SORCS2: variants seen among roughly 807,000 people sequenced by gnomAD.
SORCS2 encodes the protein sortilin related VPS10 domain containing receptor 2.
SORCS2 carries 100 observed loss-of-function variants against 141.6 expected under a neutral mutation model. The observed-to-expected ratio is 0.71, with a 90% CI of 0.60 to 0.83. The LOEUF (loss-of-function observed/expected upper bound fraction) is 0.83, where lower values mean the gene tolerates loss of function less well. SORCS2 is among the 40% of genes least tolerant of loss of function. SORCS2 has a pLI of 0.00. For synonymous variants in SORCS2, 789 were observed against 676.9 expected (o/e 1.17, Z -2.57); for missense variants, 1,646 against 1,560.2 (o/e 1.05, Z -0.93).
intron 2 of SORCS2, among the ~76,000 whole-genome samples, chr4:7,446,829 C>T (rs1020852669): frequency 1.3e-5 from 2 of 152,234 alleles, no homozygotes; most frequent in Non-Finnish European, 2.9e-5. Context: ...GGACCTGTGT[C>T]CTTCCTGGAG....
chr4:7,560,236 C>T (rs1714438581), intron 3 of SORCS2, among the ~76,000 whole-genome samples: 1 of 152,162 alleles, frequency 6.6e-6, no homozygotes, highest in Admixed American at 6.5e-5. Flanking sequence ...CTGGCAGACT[C>T]TCGGGATTTG....
At chr4:7,391,494 G>T (rs1349590234) in intron 1 of SORCS2, among the ~76,000 whole-genome samples, 1 of 152,062 alleles carries the variant, frequency 6.6e-6, no homozygotes, top group Admixed American at 6.5e-5. Flanking sequence ...GTGTGGTGGA[G>T]GTGGGGCCGG....
intron 2 of SORCS2, among the ~76,000 whole-genome samples, chr4:7,438,245 A>G (rs1727432651): frequency 6.6e-6 from 1 of 152,138 alleles, no homozygotes; most frequent in South Asian, 2.1e-4. Flanking sequence ...TTTCTTTTGT[A>G]GCACTGGGGA....
intron 2 of SORCS2, among the ~76,000 whole-genome samples, chr4:7,465,595 C>T (rs767789765): frequency 1.1e-4 from 16 of 152,172 alleles, no homozygotes; most frequent in Non-Finnish European, 2.2e-4. Flanking sequence ...TATGTGTGCA[C>T]TTTTCTTTTA....
chr4:7,493,958 T>C (rs1731457673), intron 2 of SORCS2, among the ~76,000 whole-genome samples: 1 of 152,212 alleles, frequency 6.6e-6, no homozygotes, highest in African/African-American at 2.4e-5. Flanking sequence ...TGGTGCATTA[T>C]GTTCAGTGCC....
intron 23 of SORCS2, among the ~76,000 whole-genome samples, chr4:7,729,957 G>GGGGGCTC (rs1233708457): frequency 1.3e-5 from 2 of 152,234 alleles, no homozygotes; most frequent in African/African-American, 4.8e-5. Flanking sequence ...CCACCTCCCA[G>GGGGGCTC]GGGGCTCGCT....
chr4:7,737,223 C>G (rs753645246), intron 26 of SORCS2, 51 bp downstream of exon 26: 206 of 1,547,306 alleles, frequency 1.3e-4, no homozygotes, highest in Non-Finnish European at 1.6e-4. Context: ...AGGTAACGTC[C>G]GCCCCAAACC....
At chr4:7,248,611 T>C (rs1442633175) in intron 1 of SORCS2, among the ~76,000 whole-genome samples, 2 of 152,254 alleles carry the variant, frequency 1.3e-5, no homozygotes. Flanking sequence ...CATTCTCAGT[T>C]TTCTCATCTG....
chr4:7,713,003 C>T, intron 15 of SORCS2, 150 bp downstream of exon 15: 2 of 1,219,162 alleles, frequency 1.6e-6, no homozygotes, highest in Non-Finnish European at 1.1e-6. Flanking sequence ...CTTGAGATGT[C>T]CAGGCCTCCT....
At chr4:7,342,915 C>G (rs1720444369) in intron 1 of SORCS2, among the ~76,000 whole-genome samples, 1 of 152,168 alleles carries the variant, frequency 6.6e-6, no homozygotes, top group Admixed American at 6.5e-5. Context: ...GTGGTGATGC[C>G]TGCTTCCCTG....
At chr4:7,383,091 C>T (rs1245563905) in intron 1 of SORCS2, among the ~76,000 whole-genome samples, 1 of 152,108 alleles carries the variant, frequency 6.6e-6, no homozygotes, top group Non-Finnish European at 1.5e-5. Context: ...TCATGCCCCG[C>T]GGGGCTGCTG....
At chr4:7,275,566 A>G (rs943382063) in intron 1 of SORCS2, among the ~76,000 whole-genome samples, 3 of 152,170 alleles carry the variant, frequency 2.0e-5, no homozygotes, top group African/African-American at 7.2e-5. Flanking sequence ...TGCAGTTTGC[A>G]GATCTCCTTT....
chr4:7,441,037 C>T (rs551425039), intron 2 of SORCS2, among the ~76,000 whole-genome samples: 19 of 152,142 alleles, frequency 1.2e-4, no homozygotes, highest in Admixed American at 2.6e-4. Flanking sequence ...GTGGTGCTGT[C>T]GGTCCCTGGG....
chr4:7,570,211 C>G (rs186099587), intron 3 of SORCS2, among the ~76,000 whole-genome samples: 2 of 152,318 alleles, frequency 1.3e-5, no homozygotes, highest in East Asian at 3.9e-4. Flanking sequence ...GAACGCAGCC[C>G]GTCTGCTGTG....
intron 1 of SORCS2, among the ~76,000 whole-genome samples, chr4:7,344,291 C>A (rs770450587): frequency 5.3e-5 from 8 of 152,228 alleles, no homozygotes; most frequent in Non-Finnish European, 1.0e-4. Context: ...AGATGCTGAG[C>A]AGTTGTCCAG....
chr4:7,686,147 C>A (rs967989893), intron 10 of SORCS2, among the ~76,000 whole-genome samples: 4 of 152,212 alleles, frequency 2.6e-5, no homozygotes, highest in African/African-American at 9.6e-5. Flanking sequence ...CTGGGGATAC[C>A]TCCTTCCCTC....
At chr4:7,635,905 G>T (rs4689149) in intron 3 of SORCS2, among the ~76,000 whole-genome samples, 95,976 of 152,140 alleles carry the variant, frequency 0.63, 30,789 homozygotes, top group East Asian at 0.95. Flanking sequence ...GCTGGGAAGT[G>T]CATGAAGCTT....
intron 1 of SORCS2, among the ~76,000 whole-genome samples, chr4:7,261,826 G>T (rs992481432): frequency 6.6e-6 from 1 of 152,228 alleles, no homozygotes. Flanking sequence ...AAGGGGCCCT[G>T]TGGGCATGGT....
intron 1 of SORCS2, among the ~76,000 whole-genome samples, chr4:7,210,714 G>A (rs960790363): frequency 6.6e-6 from 1 of 152,240 alleles, no homozygotes; most frequent in South Asian, 2.1e-4. Context: ...AAATGCAGGT[G>A]TATGGTGCCC....
Sources: allele counts gnomAD v4.1 joint callset (sites outside exome capture counted in the v4.1 genomes callset), GRCh38; gene constraint gnomAD v4.1.1; transcripts MANE v1.5; gene names NCBI Gene and HGNC (gene_info 2026-07-23, HGNC 2026-07-21).